Variants in SDHAF4 observed in about 807,000 individuals in gnomAD.
The protein encoded by SDHAF4 is succinate dehydrogenase assembly factor 4, mitochondrial.
SDHAF4 carries 14 observed loss-of-function variants against 14.3 expected under a neutral mutation model. The observed-to-expected ratio is 0.98, with a 90% CI of 0.65 to 1.53. The LOEUF is 1.53. SDHAF4 is among the 40% of genes most tolerant of loss of function. SDHAF4 has a pLI of 0.00. For synonymous variants in SDHAF4, 63 were observed against 47.3 expected (o/e 1.33, Z -1.36); for missense variants, 141 against 129.3 (o/e 1.09, Z -0.44).
At chr6:70,579,691 A>C (rs1253743603) in intron 2 of SDHAF4, 125 bp downstream of exon 2, 1 of 703,840 alleles carries the variant, frequency 1.4e-6, no homozygotes, top group East Asian at 3.1e-5. Context: ...AGCATATTTC[A>C]ACAATGAGTA....
At chr6:70,587,796 T>C (rs1047200772) in intron 2 of SDHAF4, among the ~76,000 whole-genome samples, 1 of 152,194 alleles carries the variant, frequency 6.6e-6, no homozygotes, top group Non-Finnish European at 1.5e-5. Flanking sequence ...TGGCTTGTGA[T>C]GGGGATTCCT....
At chr6:70,577,716 C>A (rs1022167449) in intron 1 of SDHAF4, among the ~76,000 whole-genome samples, 4 of 152,140 alleles carry the variant, frequency 2.6e-5, no homozygotes, top group African/African-American at 9.7e-5. Flanking sequence ...CCCCTTCTTC[C>A]CTCCCTGACA....
intron 1 of SDHAF4, among the ~76,000 whole-genome samples, chr6:70,577,863 G>A (rs1562056733): frequency 6.6e-6 from 1 of 152,134 alleles, no homozygotes; most frequent in Non-Finnish European, 1.5e-5. Flanking sequence ...TAGAATAATG[G>A]CCTCCAGCTG....
At chr6:70,586,846 C>A (rs909834548) in intron 2 of SDHAF4, among the ~76,000 whole-genome samples, 33 of 152,076 alleles carry the variant, frequency 2.2e-4, no homozygotes, top group Non-Finnish European at 3.5e-4. Context: ...AGAGTGGCCA[C>A]AATAAATAAA....
intron 1 of SDHAF4, among the ~76,000 whole-genome samples, chr6:70,572,094 A>T (rs1802188484): frequency 9.7e-6 from 1 of 103,282 alleles, no homozygotes; most frequent in Admixed American, 1.4e-4. Context: ...TTTGAGACAA[A>T]GTCTTGCTCT....
At chr6:70,581,220 G>A (rs796769575) in intron 2 of SDHAF4, among the ~76,000 whole-genome samples, 7 of 151,790 alleles carry the variant, frequency 4.6e-5, no homozygotes, top group African/African-American at 1.7e-4. Flanking sequence ...GTGAGCCACT[G>A]TGTCTGGCAG....
chr6:70,591,492 C>T (rs1384329056), downstream of SDHAF4, among the ~76,000 whole-genome samples: 1 of 151,748 alleles, frequency 6.6e-6, no homozygotes, highest in Non-Finnish European at 1.5e-5. Flanking sequence ...CCACCACGCC[C>T]AGCTAATTTT....
intron 1 of SDHAF4, 63 bp from the exon 2 acceptor site, chr6:70,579,341 AATAAAATTTT>A: frequency 8.4e-7 from 1 of 1,189,226 alleles, no homozygotes; most frequent in Non-Finnish European, 1.1e-6. Context: ...AAAACAAATA[AATAAAATTTT>A]ATAAATGTTT....
downstream of SDHAF4, among the ~76,000 whole-genome samples, chr6:70,593,065 C>T (rs909701517): frequency 6.6e-6 from 1 of 152,360 alleles, no homozygotes; most frequent in African/African-American, 2.4e-5. Flanking sequence ...CCTGGGCATT[C>T]TGGCTGCTCA....
Position 70,588,650 on chromosome 6 carries a change from A to G in SDHAF4, c.253A>G (p.Lys85Glu). ...PDDVNPVTKE[K>E]GGPRGPEPTR... is the part of the protein sequence containing the mutation. Reference sequence around the variant, plus strand: ...TGATGTTAATCCAGTGACCAAAGAAAAAGGTGGACCCAGGGGCCCAGAACC... The same window carrying G: ...TGATGTTAATCCAGTGACCAAAGAAGAAGGTGGACCCAGGGGCCCAGAACC... The change falls in exon 3 of 3, where the codon AAA becomes GAA. Residue 85 changes from lysine (K) to glutamate (E), a missense_variant. Coordinates refer to ENST00000370474, the MANE Select transcript of SDHAF4 (RefSeq NM_145267.3). 6.2e-7 allele frequency: 1 copy of G among 1,600,928 alleles called. No homozygotes were observed. The highest frequency in any genetic ancestry group is 8.5e-7 in the Non-Finnish European group (1 of 1,171,398).
At chr6:70,590,781 C>T (rs1259370130), downstream of SDHAF4, among the ~76,000 whole-genome samples, 1 of 152,082 alleles carries the variant, frequency 6.6e-6, no homozygotes, top group African/African-American at 2.4e-5. Flanking sequence ...CAGGGCTCTT[C>T]AATAGGAGAG....
chr6:70,580,971 A>T (rs188279213), intron 2 of SDHAF4, among the ~76,000 whole-genome samples: 166 of 152,102 alleles, frequency 1.1e-3, no homozygotes, highest in African/African-American at 3.6e-3. Flanking sequence ...TCACTCTTTC[A>T]CCTAGGCTGG....
the SDHAF4 span, chr6:70,596,570 C>CT: frequency 3.9e-5 from 6 of 152,298 alleles, no homozygotes; most frequent in African/African-American, 1.4e-4. Context: ...TAAAAACAAC[C>CT]TACAGTTTTT....
Position 70,567,001 on chromosome 6 carries a change from G to T in SDHAF4, c.61G>T (p.Ala21Ser). The change falls in exon 1 of 3, where the codon GCA becomes TCA. Residue 21 changes from alanine to serine, a missense_variant. Coordinates refer to ENST00000370474, the MANE Select transcript of SDHAF4 (RefSeq NM_145267.3). ...GGTCTCGGCCACGGCGTGGAGAGCG[G>T]CAAGTAAGCACCTGGCCTCGGGGCC... ...SWVSATAWRA[A>S]RSPLLCHSLR... 3 of 1,587,060 alleles carry T rather than the reference G, an allele frequency of 1.9e-6. No homozygotes were observed. Among genetic ancestry groups the T allele is most frequent in the Non-Finnish European group, 2.6e-6 (3 of 1,166,792 alleles).
At chr6:70,584,541 G>A (rs1386155144) in intron 2 of SDHAF4, among the ~76,000 whole-genome samples, 1 of 152,210 alleles carries the variant, frequency 6.6e-6, no homozygotes, top group Non-Finnish European at 1.5e-5. Context: ...TAATGTGGAA[G>A]AGGGATTCTG....
downstream of SDHAF4, among the ~76,000 whole-genome samples, chr6:70,594,481 G>T (rs1002385434): frequency 2.0e-5 from 3 of 152,064 alleles, no homozygotes; most frequent in African/African-American, 7.3e-5. Context: ...AGCACATTTG[G>T]CCACCTCACC....
intron 1 of SDHAF4, among the ~76,000 whole-genome samples, chr6:70,570,605 C>T (rs960365007): frequency 2.0e-5 from 3 of 151,718 alleles, no homozygotes; most frequent in African/African-American, 7.3e-5. Context: ...CCCCACCACC[C>T]TCCCTGTCTA....
intron 1 of SDHAF4, chr6:70,567,667 TTTTATTTA>T (rs200068729): frequency 2.0e-5 from 3 of 151,364 alleles, no homozygotes; most frequent in East Asian, 3.9e-4. Flanking sequence ...CAAAACATAA[TTTTATTTA>T]TTTATTTATT....
At chr6:70,573,585 A>T (rs1392590417) in intron 1 of SDHAF4, among the ~76,000 whole-genome samples, 5 of 145,482 alleles carry the variant, frequency 3.4e-5, no homozygotes, top group Non-Finnish European at 6.2e-5. Context: ...CTTTTTATTG[A>T]GTTTTAGGTT....
Sources: allele counts gnomAD v4.1 joint callset (sites outside exome capture counted in the v4.1 genomes callset), GRCh38; gene constraint gnomAD v4.1.1; transcripts MANE v1.5; gene names NCBI Gene and HGNC (gene_info 2026-07-23, HGNC 2026-07-21).